Variants in RPRD2 observed in about 807,000 individuals in gnomAD.
The protein encoded by RPRD2 is regulation of nuclear pre-mRNA domain containing 2.
A neutral mutation model predicts 104.4 loss-of-function variants in RPRD2; 12 were observed. The ratio of observed to expected loss-of-function variants is 0.11; its 90% CI spans 0.07 to 0.19. The LOEUF is 0.19. Ranked by LOEUF, RPRD2 falls within the 10% of genes least tolerant of loss-of-function variation. The probability of loss-of-function intolerance (pLI) is 1.00; values close to 1 mark genes in which losing one functional copy is unlikely to be tolerated. For missense variants in RPRD2, 1,543 were observed against 1,790.1 expected (o/e 0.86, Z 2.49); for synonymous variants, 714 against 684.9 (o/e 1.04, Z -0.66).
At chr1:150,392,720 G>A (rs968664386) in intron 1 of RPRD2, among the ~76,000 whole-genome samples, 2 of 152,050 alleles carry the variant, frequency 1.3e-5, no homozygotes, top group Non-Finnish European at 2.9e-5. Flanking sequence ...ACAAGTACCC[G>A]TAGTCCCAGT....
chr1:150,402,968 C>CA (rs1663169724), intron 1 of RPRD2, among the ~76,000 whole-genome samples: 20 of 104,358 alleles, frequency 1.9e-4, no homozygotes, highest in African/African-American at 5.5e-4. Flanking sequence ...AACTCTGCCT[C>CA]AAAAAAACAA....
intron 1 of RPRD2, 81 bp downstream of exon 1, chr1:150,365,000 C>A: frequency 7.0e-7 from 1 of 1,420,882 alleles, no homozygotes; most frequent in Non-Finnish European, 9.7e-7. Context: ...GGTTTTCCCA[C>A]GGAGCCGCAG....
rs1175587912 is a variant in RPRD2 at position 150,474,987 on chromosome 1, G to C, written c.*1653G>C. Reference sequence around the variant, plus strand: ...CACATCATGATTTGGGAGTTTTTGCGTAATTTATTCTGTTATTTATTTGGG... The same window carrying C: ...CACATCATGATTTGGGAGTTTTTGCCTAATTTATTCTGTTATTTATTTGGG... On this transcript the variant is annotated 3_prime_UTR_variant, in exon 11 of 11. Transcript: ENST00000369068. The C allele has an allele frequency of 6.6e-6, 1 of 152,084 alleles. No individual in the cohort carries two copies. The highest frequency in any genetic ancestry group is 2.4e-5 in the African/African-American group (1 of 41,410). 9.4% of individuals were successfully genotyped at this position (152,084 alleles called of 1,614,324 possible). A position where few individuals can be genotyped will look rare whatever the true frequency, so the allele number is the denominator to read the frequency against.
chr1:150,368,567 G>A (rs1026163902), intron 1 of RPRD2, among the ~76,000 whole-genome samples: 1 of 150,814 alleles, frequency 6.6e-6, no homozygotes, highest in Non-Finnish European at 1.5e-5. Context: ...AGGTTCAAGT[G>A]ATTCTCCTGC....
At chr1:150,459,690 T>G (rs1667790033) in intron 8 of RPRD2, among the ~76,000 whole-genome samples, 1 of 151,856 alleles carries the variant, frequency 6.6e-6, no homozygotes, top group African/African-American at 2.4e-5. Flanking sequence ...CCTCCTGGGT[T>G]CAAGCGATTC....
intron 1 of RPRD2, among the ~76,000 whole-genome samples, chr1:150,406,310 G>A (rs1411353473): frequency 6.6e-6 from 1 of 152,176 alleles, no homozygotes; most frequent in Non-Finnish European, 1.5e-5. Flanking sequence ...ATACCCCCAT[G>A]TTAAGGAGGG....
intron 9 of RPRD2, among the ~76,000 whole-genome samples, chr1:150,463,103 A>AT (rs1265107958): frequency 6.6e-6 from 1 of 152,056 alleles, no homozygotes; most frequent in Non-Finnish European, 1.5e-5. Context: ...TGTTCCTCCC[A>AT]TCTTGGCCTC....
chr1:150,471,485 T>A lies in RPRD2; in HGVS notation c.2537T>A (p.Met846Lys). ...TATTCAGGGCCTCCACCCTCTGCCATGATGAACCTAGAGAAGAAACCAGCC... is the reference window on the plus strand; with the variant it reads ...TATTCAGGGCCTCCACCCTCTGCCAAGATGAACCTAGAGAAGAAACCAGCC... ...FEYSGPPPSA[M>K]MNLEKKPAKS... Residue 846 changes from methionine to lysine, a missense_variant, in exon 11 of 11, where the codon ATG becomes AAG. Physicochemically the swap from Met to Lys is moderately conservative, Grantham distance 95. Coordinates refer to ENST00000369068, the MANE Select transcript of RPRD2 (RefSeq NM_015203.5). This position sits in a 1 kb window ranked among gnomAD's most constrained non-coding sequence, Gnocchi z 5.3. The A allele has an allele frequency of 3.1e-6, 5 of 1,613,792 alleles. No homozygotes were observed. The highest frequency in any genetic ancestry group is 4.2e-6 in the Non-Finnish European group (5 of 1,179,858).
intron 10 of RPRD2, among the ~76,000 whole-genome samples, chr1:150,465,019 C>T (rs1553899622): frequency 6.6e-6 from 1 of 152,114 alleles, no homozygotes; most frequent in African/African-American, 2.4e-5. Flanking sequence ...CAGGCCCACA[C>T]CACCATGTCT....
intron 1 of RPRD2, 149 bp from the exon 2 acceptor site, chr1:150,417,447 T>G (rs1299195908): frequency 3.5e-6 from 2 of 578,928 alleles, no homozygotes; most frequent in African/African-American, 3.8e-5. Context: ...CTTCCTCCCT[T>G]CCATCCATGT....
intron 2 of RPRD2, among the ~76,000 whole-genome samples, chr1:150,439,199 A>C (rs2102349612): frequency 6.6e-6 from 1 of 152,326 alleles, no homozygotes; most frequent in Non-Finnish European, 1.5e-5. Flanking sequence ...CACTTTCACC[A>C]AATGGAGATT....
chr1:150,383,306 GTTTTT>G (rs1553881149), intron 1 of RPRD2, among the ~76,000 whole-genome samples: 3 of 126,754 alleles, frequency 2.4e-5, no homozygotes, highest in Admixed American at 8.3e-5. Flanking sequence ...CAAATAAGAG[GTTTTT>G]TTTTTTTTTT....
chr1:150,451,891 AG>A (rs1553896647), intron 7 of RPRD2, among the ~76,000 whole-genome samples: 2 of 152,030 alleles, frequency 1.3e-5, no homozygotes, highest in African/African-American at 4.8e-5. Context: ...CTGTAATCCC[AG>A]CACTTTGGGA....
chr1:150,409,134 C>T (rs1268982799), intron 1 of RPRD2: 1 of 152,196 alleles, frequency 6.6e-6, no homozygotes, highest in Non-Finnish European at 1.5e-5. Flanking sequence ...AGACTTAAAT[C>T]AGTAACCTTC....
At chr1:150,398,599 A>G (rs1395697106) in intron 1 of RPRD2, among the ~76,000 whole-genome samples, 7 of 150,840 alleles carry the variant, frequency 4.6e-5, no homozygotes, top group Admixed American at 4.6e-4. Flanking sequence ...ACTGCAGTGC[A>G]GTGGTGTGAA....
chr1:150,408,002 G>A (rs782104922), intron 1 of RPRD2, among the ~76,000 whole-genome samples: 12 of 151,684 alleles, frequency 7.9e-5, no homozygotes, highest in Admixed American at 1.3e-4. Flanking sequence ...TTGACCCCCC[G>A]GGCTCAACCG....
chr1:150,436,016 T>C (rs1206689800), intron 2 of RPRD2, among the ~76,000 whole-genome samples: 2 of 152,098 alleles, frequency 1.3e-5, no homozygotes, highest in Non-Finnish European at 2.9e-5. Context: ...ATGCTAAATC[T>C]ATTCTGTCTG....
In RPRD2 at chr1:150,368,284, ATTAAT is replaced by A. The variant is rs1439318576; in HGVS notation, c.205+3383_205+3387del. ...TGTATCTGTTTTTTATTTATTTTAAATTAATTTAATTTAATTTAATTTTTTTGAGA... is the reference window on the plus strand; with the variant it reads ...TGTATCTGTTTTTTATTTATTTTAAATTAATTTAATTTAATTTTTTTGAGA... On this transcript the variant is annotated intron_variant, in intron 1 of 10. Coordinates refer to ENST00000369068, the MANE Select transcript of RPRD2 (RefSeq NM_015203.5). Among the ~76,000 whole-genome samples, 3 of 139,888 alleles carry A rather than the reference ATTAAT, an allele frequency of 2.1e-5. No homozygotes were observed. The Admixed American group carries it at 2.2e-4, about 10-fold the overall frequency. 91.8% of individuals were successfully genotyped at this position (139,888 alleles called of 152,430 possible). A position where few individuals can be genotyped will look rare whatever the true frequency, so the allele number is the denominator to read the frequency against.
intron 1 of RPRD2, among the ~76,000 whole-genome samples, chr1:150,380,578 C>G (rs1361084702): frequency 1.3e-5 from 2 of 152,078 alleles, no homozygotes; most frequent in Non-Finnish European, 1.5e-5. Flanking sequence ...GAACTTCTGA[C>G]CTCAGGTGAT....
Sources: gnomAD v4.1 joint callset for allele counts (sites outside exome capture counted in the v4.1 genomes callset) on GRCh38, gnomAD v4.1.1 for gene constraint, Gnocchi (gnomAD v3.1) non-coding constraint, MANE v1.5 for transcripts, NCBI Gene and HGNC (gene_info 2026-07-23, HGNC 2026-07-21) for gene names.